The following SMIM35 variants were observed in gnomAD, a reference collection of about 807,000 sequenced individuals.
SMIM35 encodes the protein small integral membrane protein 35.
chr11:118,063,677 A>G (rs758927634), intron 1 of SMIM35, among the ~76,000 whole-genome samples: 10 of 152,242 alleles, frequency 6.6e-5, no homozygotes, highest in Admixed American at 1.3e-4. Flanking sequence ...AGGGGAGGGG[A>G]GAGGGGCTGG....
At chr11:118,025,106 T>C (rs1210729175) in intron 1 of SMIM35, among the ~76,000 whole-genome samples, 1 of 152,218 alleles carries the variant, frequency 6.6e-6, no homozygotes, top group Non-Finnish European at 1.5e-5. Flanking sequence ...ATTTTGTTCT[T>C]TCTTATGGCT....
At chr11:118,051,094 C>T (rs999401454) in intron 1 of SMIM35, among the ~76,000 whole-genome samples, 3 of 152,210 alleles carry the variant, frequency 2.0e-5, no homozygotes, top group African/African-American at 7.2e-5. Context: ...TGCCTGTATG[C>T]AGAGCCAAGA....
intron 1 of SMIM35, chr11:118,028,800 A>C (rs1216516925): frequency 1.1e-5 from 5 of 453,196 alleles, no homozygotes; most frequent in Non-Finnish European, 2.2e-5. Context: ...GAAGAGAAAA[A>C]ACAAGGAGAA....
At chr11:118,045,813 T>C (rs1325019770) in intron 1 of SMIM35, among the ~76,000 whole-genome samples, 1 of 152,216 alleles carries the variant, frequency 6.6e-6, no homozygotes, top group Admixed American at 6.5e-5. Flanking sequence ...CAGATCTTTT[T>C]AACTCTTGAC....
chr11:118,045,808 C>A (rs1944088965), intron 1 of SMIM35, among the ~76,000 whole-genome samples: 1 of 152,286 alleles, frequency 6.6e-6, no homozygotes, highest in East Asian at 1.9e-4. Flanking sequence ...TCAGGCAGAT[C>A]TTTTTAACTC....
intron 1 of SMIM35, among the ~76,000 whole-genome samples, chr11:118,062,706 C>T (rs1056098878): frequency 1.3e-5 from 2 of 152,212 alleles, no homozygotes; most frequent in Non-Finnish European, 2.9e-5. Flanking sequence ...TCTGCCTCTT[C>T]GTTGACTTCC....
intron 1 of SMIM35, among the ~76,000 whole-genome samples, chr11:118,063,414 A>G (rs1944422648): frequency 6.6e-6 from 1 of 151,896 alleles, no homozygotes; most frequent in African/African-American, 2.4e-5. Context: ...TTCTGTCTTT[A>G]TTTCTAAATC....
chr11:118,021,465 T>G (rs1004041695), intron 1 of SMIM35, among the ~76,000 whole-genome samples: 1 of 152,160 alleles, frequency 6.6e-6, no homozygotes, highest in African/African-American at 2.4e-5. Flanking sequence ...TAATTTCCAA[T>G]TATTTATTAA....
At chr11:118,035,912 G>A (rs756474607) in intron 1 of SMIM35, among the ~76,000 whole-genome samples, 4 of 148,788 alleles carry the variant, frequency 2.7e-5, no homozygotes, top group East Asian at 2.2e-4. Flanking sequence ...TGACAGAGTC[G>A]AGTCTCGCTC....
intron 1 of SMIM35, among the ~76,000 whole-genome samples, chr11:118,062,055 TGCAGTG>T (rs1944401828): frequency 6.6e-6 from 1 of 152,126 alleles, no homozygotes; most frequent in Non-Finnish European, 1.5e-5. Context: ...TGGGGCCAGG[TGCAGTG>T]GCTCATCCTT....
At chr11:118,006,555 C>G (rs1159741772) in intron 4 of SMIM35, among the ~76,000 whole-genome samples, 179 bp from the exon 5 acceptor site, 2 of 152,132 alleles carry the variant, frequency 1.3e-5, no homozygotes, top group Non-Finnish European at 2.9e-5. Context: ...GCAATGGGTG[C>G]TCAATACTCA....
intron 1 of SMIM35, among the ~76,000 whole-genome samples, chr11:118,062,418 C>CCA (rs1472499024): frequency 6.6e-6 from 1 of 152,206 alleles, no homozygotes; most frequent in African/African-American, 2.4e-5. Context: ...GGGGCCAAGA[C>CCA]CACAGGCCAG....
intron 1 of SMIM35, among the ~76,000 whole-genome samples, chr11:118,040,782 CAT>C (rs1292391798): frequency 1.3e-5 from 2 of 152,020 alleles, no homozygotes; most frequent in African/African-American, 4.8e-5. Flanking sequence ...AGGCCTATAA[CAT>C]ATACAAATGT....
At chr11:118,074,915 T>C (rs1944631901) in intron 1 of SMIM35, among the ~76,000 whole-genome samples, 1 of 152,104 alleles carries the variant, frequency 6.6e-6, no homozygotes. Flanking sequence ...ATGTGCCTTC[T>C]TCCCGGACCT....
intron 1 of SMIM35, among the ~76,000 whole-genome samples, chr11:118,061,425 A>G (rs1261852429): frequency 1.3e-5 from 2 of 152,230 alleles, no homozygotes; most frequent in African/African-American, 4.8e-5. Flanking sequence ...ATGCCAATGT[A>G]TTACATTTTT....
At chr11:118,077,649 CA>C (rs1477220351) in intron 1 of SMIM35, among the ~76,000 whole-genome samples, 1 of 152,172 alleles carries the variant, frequency 6.6e-6, no homozygotes, top group Non-Finnish European at 1.5e-5. Flanking sequence ...TTTTCCAAGG[CA>C]GGGGGCTGTT....
At chr11:118,024,566 A>G (rs750453408) in intron 1 of SMIM35, among the ~76,000 whole-genome samples, 4 of 151,942 alleles carry the variant, frequency 2.6e-5, no homozygotes, top group Non-Finnish European at 4.4e-5. Flanking sequence ...TCGACCTCCC[A>G]GGTTTAAGCA....
intron 1 of SMIM35, chr11:118,031,749 T>C (rs992401546): frequency 2.6e-5 from 4 of 152,084 alleles, no homozygotes; most frequent in Admixed American, 2.6e-4. Flanking sequence ...GATGGGAAGC[T>C]TGGCAAACAC....
chr11:118,003,857 G>A lies in SMIM35; in HGVS notation c.*2553C>T, dbSNP rs1330751638. 6.6e-6 allele frequency: 1 copy of A among 152,150 alleles called. No homozygotes were observed. The highest frequency in any genetic ancestry group is 2.4e-5 in the African/African-American group (1 of 41,398). 9.4% of individuals were successfully genotyped at this position (152,150 alleles called of 1,614,324 possible). ...GTGATAAGTGATGTGAAAGAAACTA[G>A]TATTCCACATGAAGGATGAGGCAGG... On this transcript the variant is annotated 3_prime_UTR_variant, in exon 5 of 5. Transcript: ENST00000689828.
Sources: gnomAD v4.1 joint callset for allele counts (sites outside exome capture counted in the v4.1 genomes callset) on GRCh38, gnomAD v4.1.1 for gene constraint, MANE v1.5 for transcripts, NCBI Gene and HGNC (gene_info 2026-07-23, HGNC 2026-07-21) for gene names.